The following MMP16 variants were observed in gnomAD, a reference collection of about 807,000 sequenced individuals.
The protein encoded by MMP16 is matrix metallopeptidase 16.
In MMP16, 12 loss-of-function variants were observed where a neutral mutation model predicts 67.8. The observed-to-expected ratio is 0.18, with a 90% CI of 0.11 to 0.29. The LOEUF is 0.29. MMP16 is among the 10% of genes least tolerant of loss of function. The probability of loss-of-function intolerance (pLI) is 1.00; values close to 1 mark genes in which losing one functional copy is unlikely to be tolerated. For missense variants in MMP16, 475 were observed against 765.7 expected, an observed-to-expected ratio of 0.62 and a Z score of 4.48; for synonymous variants, 249 against 255.9, an observed-to-expected ratio of 0.97 and a Z score of 0.26.
In MMP16 at chr8:88,039,426, C is replaced by G. The variant is rs1337695675; in HGVS notation, c.*2035G>C. The G allele has an allele frequency of 6.6e-6, 1 of 152,508 alleles. No homozygotes were observed. The highest frequency in any genetic ancestry group is 1.5e-5 in the Non-Finnish European group (1 of 68,032). 9.4% of individuals were successfully genotyped at this position (152,508 alleles called of 1,614,324 possible). ...CACTCTCTCCACTCTAAGGAAACAG[C>G]TCATGCTTACTAGGTTTTAGAGAAC... On this transcript the variant is annotated 3_prime_UTR_variant, in exon 10 of 10. Coordinates refer to ENST00000286614, the MANE Select transcript of MMP16 (RefSeq NM_005941.5). The surrounding 1 kb of genome is among the most constrained non-coding windows in gnomAD (Gnocchi z 4.5).
chr8:88,264,033 C>T (rs71526927), intron 1 of MMP16, among the ~76,000 whole-genome samples: 25,953 of 134,460 alleles, frequency 0.19, 2,911 homozygotes, highest in African/African-American at 0.32. Context: ...AAAAATGGCA[C>T]ATATATATAT....
chr8:88,132,915 T>C (rs1808056105), intron 4 of MMP16, among the ~76,000 whole-genome samples: 1 of 151,886 alleles, frequency 6.6e-6, no homozygotes, highest in African/African-American at 2.4e-5. Context: ...TTGTAATATG[T>C]ATGCAAGGGA....
intron 7 of MMP16, chr8:88,069,507 A>AG: frequency 2.2e-6 from 1 of 465,044 alleles, no homozygotes; most frequent in South Asian, 1.5e-5. Context: ...GATTATAGAT[A>AG]GAGTGTCTCC....
intron 4 of MMP16, among the ~76,000 whole-genome samples, chr8:88,161,021 G>C (rs1180109498): frequency 1.3e-5 from 2 of 152,018 alleles, no homozygotes; most frequent in Admixed American, 1.3e-4. Context: ...TTTTTGTTGT[G>C]TCTCTGCCAG....
At chr8:88,198,050 G>A (rs1458246882) in intron 1 of MMP16, among the ~76,000 whole-genome samples, 2 of 152,176 alleles carry the variant, frequency 1.3e-5, no homozygotes, top group Non-Finnish European at 2.9e-5. Flanking sequence ...GGTGAAGGGG[G>A]CTCTGGGAGG....
At chr8:88,248,276 T>G (rs564371295) in intron 1 of MMP16, among the ~76,000 whole-genome samples, 3 of 152,060 alleles carry the variant, frequency 2.0e-5, no homozygotes, top group Non-Finnish European at 2.9e-5. Flanking sequence ...ATAAGAATTT[T>G]GGGTATATAA....
At chr8:88,164,403 A>G (rs1331686051) in intron 4 of MMP16, among the ~76,000 whole-genome samples, 1 of 152,092 alleles carries the variant, frequency 6.6e-6, no homozygotes, top group Admixed American at 6.6e-5. Flanking sequence ...TCGAGGATGT[A>G]CAAATGAATT....
intron 3 of MMP16, among the ~76,000 whole-genome samples, chr8:88,169,064 T>G (rs1808760390): frequency 6.6e-6 from 1 of 152,090 alleles, no homozygotes; most frequent in Non-Finnish European, 1.5e-5. Context: ...GAATATATAT[T>G]GAAATGCAAT....
chr8:88,109,805 AAC>A (rs921047389), intron 6 of MMP16, among the ~76,000 whole-genome samples: 2 of 151,236 alleles, frequency 1.3e-5, no homozygotes, highest in Non-Finnish European at 3.0e-5. Flanking sequence ...ACATATATAA[AAC>A]ACAGAAAAAC....
In MMP16 at chr8:88,312,622, C is replaced by T. The variant is rs572319502; in HGVS notation, c.132+14453G>A. On this transcript the variant is annotated intron_variant, in intron 1 of 9. Transcript: ENST00000286614. ...ATCCTTCCCTCCCAGCCCTCCTGCC[C>T]TCCTCCCTCAGTCCCTAGGCAATCA... Among the ~76,000 whole-genome samples the T allele has an allele frequency of 5.9e-5, 9 of 152,242 alleles. No homozygotes were observed. The South Asian group carries it at 1.9e-3, about 32-fold the overall frequency.
intron 3 of MMP16, among the ~76,000 whole-genome samples, chr8:88,180,080 G>A (rs905203293): frequency 6.6e-6 from 1 of 152,040 alleles, no homozygotes; most frequent in South Asian, 2.1e-4. Context: ...TTGGGAGTTC[G>A]AGACCAGCCT....
At chr8:88,151,444 AT>A (rs1808405130) in intron 4 of MMP16, among the ~76,000 whole-genome samples, 1 of 151,026 alleles carries the variant, frequency 6.6e-6, no homozygotes, top group Admixed American at 6.6e-5. Flanking sequence ...CTATTCCAAA[AT>A]TGACCACATA....
chr8:88,283,674 C>T (rs1371652608), intron 1 of MMP16, among the ~76,000 whole-genome samples: 2 of 152,090 alleles, frequency 1.3e-5, no homozygotes, highest in Admixed American at 6.6e-5. Flanking sequence ...ACACATTCTG[C>T]TCTTTGCAAA....
At chr8:88,051,011 G>A (rs2118212514) in intron 8 of MMP16, among the ~76,000 whole-genome samples, 1 of 152,238 alleles carries the variant, frequency 6.6e-6, no homozygotes, top group Non-Finnish European at 1.5e-5. Flanking sequence ...AGCAGATAAT[G>A]CAAAACAATA....
intron 6 of MMP16, among the ~76,000 whole-genome samples, chr8:88,112,026 C>T (rs1809346128): frequency 6.6e-6 from 1 of 151,722 alleles, no homozygotes; most frequent in Non-Finnish European, 1.5e-5. Context: ...AGTCATGAGA[C>T]TTGCTCTTCT....
At chr8:88,268,752 ACT>A in intron 1 of MMP16, among the ~76,000 whole-genome samples, 1 of 152,320 alleles carries the variant, frequency 6.6e-6, no homozygotes, top group East Asian at 1.9e-4. Flanking sequence ...ATACGGATGC[ACT>A]GTGTGTGTTC....
Position 88,186,600 on chromosome 8 carries a change from T to C in MMP16, c.282-2A>G. The C allele has an allele frequency of 8.5e-7, 1 of 1,178,798 alleles. No individual in the cohort carries two copies. Among genetic ancestry groups the C allele is most frequent in the Non-Finnish European group, 1.1e-6 (1 of 913,078 alleles). The allele number at this position is 1,178,798 out of a possible 1,614,324, so 73.0% of individuals were successfully genotyped here. A position where few individuals can be genotyped will look rare whatever the true frequency, so the allele number is the denominator to read the frequency against. ...CCGCATCGGGGCTTCTTCATCCAGC[T>C]GCAAAAAAAAAAAAAAAAAAAAAAA... On this transcript the variant is annotated splice_acceptor_variant, in intron 2 of 9. Transcript: ENST00000286614. LOFTEE classifies it high-confidence loss of function.
Position 88,036,165 on chromosome 8 carries a change from T to G in MMP16, c.*5296A>C, listed in dbSNP as rs988587473. 18 of 151,930 alleles carry G rather than the reference T, an allele frequency of 1.2e-4. No individual in the cohort carries two copies. The highest frequency in any genetic ancestry group is 4.1e-4 in the African/African-American group (17 of 41,430). The allele number at this position is 151,930 out of a possible 1,614,324, so 9.4% of individuals were successfully genotyped here. A position where few individuals can be genotyped will look rare whatever the true frequency, so the allele number is the denominator to read the frequency against. On this transcript the variant is annotated 3_prime_UTR_variant, in exon 10 of 10. Coordinates refer to ENST00000286614, the MANE Select transcript of MMP16 (RefSeq NM_005941.5). ...ACTGAACACCTACCTCTTACATTTTTAGCCTGTAAGGCAATGCATGAGTAT... is the reference window on the plus strand; with the variant it reads ...ACTGAACACCTACCTCTTACATTTTGAGCCTGTAAGGCAATGCATGAGTAT...
chr8:88,078,865 G>A (rs1281245624), intron 6 of MMP16, among the ~76,000 whole-genome samples: 1 of 152,108 alleles, frequency 6.6e-6, no homozygotes, highest in African/African-American at 2.4e-5. Flanking sequence ...GCCCTCCTCT[G>A]CCAAGCCACC....
Sources: gnomAD v4.1 joint callset for allele counts (sites outside exome capture counted in the v4.1 genomes callset) on GRCh38, gnomAD v4.1.1 for gene constraint, Gnocchi (gnomAD v3.1) non-coding constraint, MANE v1.5 for transcripts, NCBI Gene and HGNC (gene_info 2026-07-23, HGNC 2026-07-21) for gene names.